Variants in EPS8L2 observed in about 807,000 individuals in gnomAD.
EPS8L2 encodes epidermal growth factor receptor kinase substrate 8-like protein 2.
Under a neutral mutation model 99.4 loss-of-function variants are expected in EPS8L2, and 81 were observed. The observed-to-expected ratio is 0.82, with a 90% CI of 0.68 to 0.98. The LOEUF (loss-of-function observed/expected upper bound fraction) is 0.98. EPS8L2 is among the 50% of genes least tolerant of loss of function. EPS8L2 has a pLI of 0.00. For missense variants in EPS8L2, 1,155 were observed against 968.8 expected (o/e 1.19, Z -2.55); for synonymous variants, 509 against 407.3 (o/e 1.25, Z -3.01).
At chr11:715,912 G>A (rs558571073) in intron 4 of EPS8L2, among the ~76,000 whole-genome samples, 10 of 150,840 alleles carry the variant, frequency 6.6e-5, no homozygotes, top group East Asian at 5.9e-4. Context: ...GAGCCACCGC[G>A]CCCGGCATTG....
intron 5 of EPS8L2, 28 bp downstream of exon 5, chr11:720,251 G>T: frequency 6.2e-7 from 1 of 1,610,676 alleles, no homozygotes; most frequent in South Asian, 1.1e-5. Context: ...GGGGGACAGG[G>T]AGCACAGTGG....
rs371425662 is a variant in EPS8L2, at chr11:723,257, G to C, written c.1358G>C (p.Arg453Pro). 2 of 1,603,450 alleles carry C rather than the reference G, an allele frequency of 1.2e-6. No individual in the cohort carries two copies. Among genetic ancestry groups the C allele is most frequent in the South Asian group, 1.1e-5 (1 of 89,832 alleles). Reference protein sequence around the residue: ...APIEEVSPVSRQSIRNSQKHS... With the variant: ...APIEEVSPVSPQSIRNSQKHS... ...TCCCCACAGGTGAGTCCAGTGAGCCGACAGTCCATAAGAAACTCCCAGAAG... is the reference window on the plus strand; with the variant it reads ...TCCCCACAGGTGAGTCCAGTGAGCCCACAGTCCATAAGAAACTCCCAGAAG... The change falls in exon 15 of 21, where the codon CGA (arginine) becomes CCA (proline). Residue 453 changes from arginine to proline, a missense_variant. Physicochemically the swap from Arg to Pro is moderately radical, Grantham distance 103. Transcript: ENST00000318562.
chr11:714,331 G>A (rs1237778537), intron 4 of EPS8L2, among the ~76,000 whole-genome samples: 1 of 151,396 alleles, frequency 6.6e-6, no homozygotes, highest in Non-Finnish European at 1.5e-5. Context: ...TTGGGTTCAA[G>A]CAATTCTCCT....
Position 711,692 on chromosome 11 carries a change from C to G in EPS8L2, c.165+1206C>G, listed in dbSNP as rs796595051. 3.9e-5 allele frequency among the ~76,000 whole-genome samples: 6 copies of G among 152,084 alleles called. No individual in the cohort carries two copies. In the South Asian group the frequency reaches 1.2e-3, roughly 32 times the overall value. On this transcript the variant is annotated intron_variant, in intron 4 of 20. Transcript: ENST00000318562. The stretch of plus-strand genomic sequence containing the variant: ...CACGGCCCTCCAGCAGCCTGGGCAA[C>G]AGAGTCTTAGGCCAGGCGCGGTGGC...
At chr11:712,781 A>G (rs1861924015) in intron 4 of EPS8L2, among the ~76,000 whole-genome samples, 1 of 152,220 alleles carries the variant, frequency 6.6e-6, no homozygotes, top group Admixed American at 6.5e-5. Context: ...TTGGGTGACC[A>G]GGGCCCTCCC....
intron 2 of EPS8L2, 40 bp downstream of exon 2, chr11:709,491 C>T (rs1861826498): frequency 6.2e-7 from 1 of 1,607,994 alleles, no homozygotes; most frequent in African/African-American, 1.3e-5. Flanking sequence ...CACCCTCACC[C>T]TCTGAACAGT....
rs1404788098 is a variant in EPS8L2, at chr11:726,682, G to A, written c.1998G>A (p.Leu666=). ...TCTTCTCCCTCAACAAGGAGGAGCT[G>A]AAGAAAGTGTGCGGCGAGGAGGGCG... ...PQLFSLNKEE[L]KKVCGEEGVR... is the part of the protein sequence containing the mutation. Residue 666 remains leucine (L), a synonymous_variant, in exon 20 of 21, where the codon CTG becomes CTA. Coordinates refer to ENST00000318562, the MANE Select transcript of EPS8L2 (RefSeq NM_022772.4). The A allele has an allele frequency of 1.3e-6, 2 of 1,582,828 alleles. No individual in the cohort carries two copies. Among genetic ancestry groups the A allele is most frequent in the African/African-American group, 2.7e-5 (2 of 74,636 alleles).
At chr11:718,219 C>T (rs765074358) in intron 4 of EPS8L2, among the ~76,000 whole-genome samples, 10 of 151,028 alleles carry the variant, frequency 6.6e-5, no homozygotes, top group Non-Finnish European at 1.5e-4. Context: ...TATAATCCCA[C>T]GTACTCGGGA....
At chr11:716,224 C>T (rs1223862533) in intron 4 of EPS8L2, among the ~76,000 whole-genome samples, 1 of 151,628 alleles carries the variant, frequency 6.6e-6, no homozygotes, top group Non-Finnish European at 1.5e-5. Context: ...TCTCAGCTCA[C>T]AGCAAGCTCC....
In EPS8L2 at chr11:711,053, C is replaced by G. The variant is rs1318264285; in HGVS notation, c.165+567C>G. 3.9e-5 allele frequency among the ~76,000 whole-genome samples: 6 copies of G among 152,188 alleles called. No homozygotes were observed. In the South Asian group the frequency reaches 1.2e-3, roughly 32 times the overall value. On this transcript the variant is annotated intron_variant, in intron 4 of 20. Transcript: ENST00000318562. ...CTGGCCCCAAAACGAGGAACTGTATCGGGAGGGAGCAGGCAGAACAAAGAC... is the reference window on the plus strand; with the variant it reads ...CTGGCCCCAAAACGAGGAACTGTATGGGGAGGGAGCAGGCAGAACAAAGAC...
chr11:708,391 C>A (rs1861788045), intron 1 of EPS8L2, among the ~76,000 whole-genome samples: 1 of 152,226 alleles, frequency 6.6e-6, no homozygotes, highest in Non-Finnish European at 1.5e-5. Context: ...TTAGTTTCCC[C>A]AAAATGCTCG....
At chr11:722,927 C>T (rs1298542227) in intron 14 of EPS8L2, 122 bp downstream of exon 14, 154 of 586,990 alleles carry the variant, frequency 2.6e-4, no homozygotes, top group Non-Finnish European at 3.9e-4. Context: ...GACACCCACC[C>T]CTCCCCAGTG....
chr11:726,230 G>A (rs1590057995), intron 18 of EPS8L2, 60 bp downstream of exon 18: 4 of 1,563,488 alleles, frequency 2.6e-6, no homozygotes, highest in East Asian at 4.7e-5. Flanking sequence ...GGGAGGAAGT[G>A]TGGGGGGGGT....
At chr11:714,994 G>A (rs935106539) in intron 4 of EPS8L2, among the ~76,000 whole-genome samples, 19 of 152,288 alleles carry the variant, frequency 1.2e-4, no homozygotes, top group African/African-American at 4.3e-4. Flanking sequence ...TGTAATCCCA[G>A]CACTTTGGGA....
Position 727,225 on chromosome 11 carries a change from A to T in EPS8L2, c.*244A>T. The T allele has an allele frequency of 2.8e-6, 1 of 363,508 alleles. No individual in the cohort carries two copies. The highest frequency in any genetic ancestry group is 4.9e-6 in the Non-Finnish European group (1 of 203,484). The allele number at this position is 363,508 out of a possible 1,614,324, so 22.5% of individuals were successfully genotyped here. Reference sequence around the variant, plus strand: ...GCTTGGTGGTGCCAGCCCCTTGTCCACCTTCTCTTGAGGCCACAGAACTCC... The same window carrying T: ...GCTTGGTGGTGCCAGCCCCTTGTCCTCCTTCTCTTGAGGCCACAGAACTCC... On this transcript the variant is annotated 3_prime_UTR_variant, in exon 21 of 21. Coordinates refer to ENST00000318562, the MANE Select transcript of EPS8L2 (RefSeq NM_022772.4).
chr11:712,380 C>T (rs1861914465), intron 4 of EPS8L2, among the ~76,000 whole-genome samples: 1 of 142,648 alleles, frequency 7.0e-6, no homozygotes, highest in Non-Finnish European at 1.6e-5. Context: ...CGGTTGTGGT[C>T]CAAGCCTGGG....
At position 720,059 on chromosome 11, in the gene EPS8L2, C is replaced by T. The variant is rs538195651; in HGVS notation, c.166-3C>T. ...CCAGCAGTGACCACCTGCCCACCCCCAGCACCTGGCCACATTCATCATGGA... is the reference window on the plus strand; with the variant it reads ...CCAGCAGTGACCACCTGCCCACCCCTAGCACCTGGCCACATTCATCATGGA... On this transcript the variant is annotated splice_region_variant and splice_polypyrimidine_tract_variant and intron_variant, in intron 4 of 20. Transcript: ENST00000318562. 1.9e-6 allele frequency: 3 copies of T among 1,610,838 alleles called. No individual in the cohort carries two copies. The Admixed American group carries it at 5.0e-5, about 27-fold the overall frequency.
intron 4 of EPS8L2, among the ~76,000 whole-genome samples, chr11:716,992 T>C (rs1862042477): frequency 6.6e-6 from 1 of 152,206 alleles, no homozygotes; most frequent in Non-Finnish European, 1.5e-5. Flanking sequence ...TTTATTTATT[T>C]TTGAGACAGA....
At chr11:721,392 G>A (rs889559144) in intron 9 of EPS8L2, 40 bp downstream of exon 9, 10 of 1,533,300 alleles carry the variant, frequency 6.5e-6, no homozygotes, top group South Asian at 2.4e-5. Context: ...TCTCTTCCCC[G>A]CCCCCAGCAG....
Sources: gnomAD v4.1 joint callset for allele counts (sites outside exome capture counted in the v4.1 genomes callset) on GRCh38, gnomAD v4.1.1 for gene constraint, MANE v1.5 for transcripts, NCBI Gene and HGNC (gene_info 2026-07-23, HGNC 2026-07-21) for gene names.